The following WDFY4 variants were observed in gnomAD, a reference collection of about 807,000 sequenced individuals.
WDFY4 encodes the protein WD repeat- and FYVE domain-containing protein 4.
A neutral mutation model predicts 351.9 loss-of-function variants in WDFY4; 169 were observed. The observed-to-expected ratio is 0.48, with a 90% CI of 0.42 to 0.55. The LOEUF is 0.55. Ranked by LOEUF, WDFY4 falls within the 20% of genes least tolerant of loss-of-function variation. The pLI is 0.00. For synonymous variants in WDFY4, 1,622 were observed against 1,574.6 expected (o/e 1.03, Z -0.71); for missense variants, 3,803 against 3,935.6 (o/e 0.97, Z 0.90).
intron 31 of WDFY4, among the ~76,000 whole-genome samples, chr10:48,816,681 G>A (rs2067630574): frequency 6.6e-6 from 1 of 152,154 alleles, no homozygotes; most frequent in Non-Finnish European, 1.5e-5. Flanking sequence ...GGAATCACAT[G>A]CAAGCATTTA....
chr10:48,828,389 A>C (rs1336282938), intron 36 of WDFY4, among the ~76,000 whole-genome samples: 2 of 152,228 alleles, frequency 1.3e-5, no homozygotes, highest in Non-Finnish European at 2.9e-5. Context: ...TTGCACGCCC[A>C]TGAAGCCAAC....
At chr10:48,704,632 C>T (rs1479101215) in intron 1 of WDFY4, among the ~76,000 whole-genome samples, 1 of 152,206 alleles carries the variant, frequency 6.6e-6, no homozygotes, top group Non-Finnish European at 1.5e-5. Flanking sequence ...CTCTCCCCAT[C>T]CTCAGCCCCA....
chr10:48,789,157 T>G (rs1221367555), intron 21 of WDFY4, among the ~76,000 whole-genome samples: 1 of 151,892 alleles, frequency 6.6e-6, no homozygotes, highest in Non-Finnish European at 1.5e-5. Flanking sequence ...ACAGGTGTGA[T>G]TCACAGCAGC....
intron 51 of WDFY4, among the ~76,000 whole-genome samples, chr10:48,950,242 T>C (rs1841256994): frequency 6.6e-6 from 1 of 152,142 alleles, no homozygotes; most frequent in African/African-American, 2.4e-5. Flanking sequence ...ACTGTTCTAC[T>C]TTCTGTCTCT....
intron 15 of WDFY4, 48 bp downstream of exon 15, chr10:48,775,854 G>A (rs1171442093): frequency 2.0e-6 from 3 of 1,478,648 alleles, no homozygotes; most frequent in Non-Finnish European, 2.8e-6. Flanking sequence ...AGTAAAAGAT[G>A]ATAGGCATTC....
At chr10:48,887,159 G>A (rs112986892) in intron 43 of WDFY4, among the ~76,000 whole-genome samples, 32 of 152,346 alleles carry the variant, frequency 2.1e-4, no homozygotes, top group African/African-American at 7.5e-4. Context: ...CAGATCATAG[G>A]CATGTGCTCT....
intron 39 of WDFY4, among the ~76,000 whole-genome samples, chr10:48,851,044 T>C (rs1043970176): frequency 6.6e-6 from 1 of 152,254 alleles, no homozygotes; most frequent in Admixed American, 6.5e-5. Flanking sequence ...AGCAAGAACC[T>C]GGTGCCCATC....
chr10:48,909,673 A>G (rs906135275), intron 47 of WDFY4: 2 of 152,110 alleles, frequency 1.3e-5, no homozygotes, highest in African/African-American at 2.4e-5. Context: ...TTAACAATCA[A>G]TTTTCAACAG....
At chr10:48,962,917 AG>A in intron 53 of WDFY4, among the ~76,000 whole-genome samples, 2 of 152,294 alleles carry the variant, frequency 1.3e-5, no homozygotes, top group South Asian at 4.1e-4. Context: ...GCCCCAGTGA[AG>A]GAAGTTCACA....
At chr10:48,865,152 A>C (rs1436005726) in intron 39 of WDFY4, among the ~76,000 whole-genome samples, 3 of 152,220 alleles carry the variant, frequency 2.0e-5, no homozygotes, top group Non-Finnish European at 4.4e-5. Flanking sequence ...GTTAAGGAAC[A>C]TTCAGTCCTT....
At chr10:48,927,378 G>A (rs1228230186) in intron 47 of WDFY4, among the ~76,000 whole-genome samples, 1 of 152,174 alleles carries the variant, frequency 6.6e-6, no homozygotes, top group African/African-American at 2.4e-5. Context: ...GGGTGGTGGG[G>A]GGAGGGGAAT....
chr10:48,959,636 A>G (rs1013229679), intron 52 of WDFY4, 86 bp from the exon 53 acceptor site: 24 of 1,231,924 alleles, frequency 1.9e-5, no homozygotes, highest in Middle Eastern at 1.8e-4. Context: ...CAAAATCAGC[A>G]ATCCTGGGCA....
chr10:48,974,527 A>AAAAAAAAAAAAAAAAAACAAC lies in WDFY4; in HGVS notation c.8929-333_8929-332insAAAAAAAAAAAAAAACAACAA. On this transcript the variant is annotated intron_variant, in intron 57 of 61. Transcript: ENST00000325239. ...CAAAAAAAAAAAAAAAAAAAAAAAAAAACAACTCATGACATGAACTGCTCC... is the reference window on the plus strand; with the variant it reads ...CAAAAAAAAAAAAAAAAAAAAAAAAAAAAAAAAAAAAAAAAAACAACAACAACTCATGACATGAACTGCTCC... Among the ~76,000 whole-genome samples, 28 of 23,190 alleles carry AAAAAAAAAAAAAAAAAACAAC rather than the reference A, an allele frequency of 1.2e-3. 1 individual carries two copies. Among genetic ancestry groups the AAAAAAAAAAAAAAAAAACAAC allele is most frequent in the South Asian group, 1.7e-3 (1 of 588 alleles). 15.2% of individuals were successfully genotyped at this position (23,190 alleles called of 152,430 possible).
chr10:48,826,568 T>C (rs1006774402), intron 35 of WDFY4, 103 bp from the exon 36 acceptor site: 28 of 835,666 alleles, frequency 3.4e-5, no homozygotes, highest in Non-Finnish European at 5.1e-5. Flanking sequence ...CGGTAAGCCA[T>C]GTCACTTTTT....
At chr10:48,906,317 C>T (rs1837614356) in intron 47 of WDFY4, among the ~76,000 whole-genome samples, 1 of 139,872 alleles carries the variant, frequency 7.1e-6, no homozygotes, top group South Asian at 2.2e-4. Flanking sequence ...AAAATCAGAG[C>T]TTTTGGTACC....
chr10:48,723,795 T>C (rs1449618910), intron 5 of WDFY4, among the ~76,000 whole-genome samples: 1 of 152,140 alleles, frequency 6.6e-6, no homozygotes, highest in Non-Finnish European at 1.5e-5. Context: ...CCCACCCCTG[T>C]GCCATGGCCT....
chr10:48,910,000 A>G (rs1483682002), intron 47 of WDFY4: 1 of 541,404 alleles, frequency 1.8e-6, no homozygotes. Flanking sequence ...TTTTTTCTAT[A>G]TACATTTTAA....
chr10:48,714,349 C>T (rs1219376878), intron 2 of WDFY4, among the ~76,000 whole-genome samples: 2 of 152,194 alleles, frequency 1.3e-5, no homozygotes, highest in Non-Finnish European at 2.9e-5. Flanking sequence ...AATGTCTCCC[C>T]CACACATAGG....
intron 47 of WDFY4, among the ~76,000 whole-genome samples, chr10:48,933,122 C>T (rs1447981193): frequency 1.3e-5 from 2 of 152,110 alleles, no homozygotes; most frequent in Non-Finnish European, 2.9e-5. Context: ...GAGGAGGGAC[C>T]ATGTGGATCC....
Sources: allele counts gnomAD v4.1 joint callset (sites outside exome capture counted in the v4.1 genomes callset), GRCh38; gene constraint gnomAD v4.1.1; transcripts MANE v1.5; gene names NCBI Gene and HGNC (gene_info 2026-07-23, HGNC 2026-07-21).